Variants in NRG3 observed in about 807,000 individuals in gnomAD.
NRG3 encodes the protein pro-neuregulin-3, membrane-bound isoform.
Under a neutral mutation model 66.9 loss-of-function variants are expected in NRG3, and 31 were observed. The ratio of observed to expected loss-of-function variants is 0.46; its 90% confidence interval spans 0.35 to 0.63. The LOEUF is 0.63. Among genes scored for constraint, NRG3 ranks in the 20% least tolerant of loss-of-function variants. The pLI is 0.00. For synonymous variants in NRG3, 393 were observed against 359.4 expected, an observed-to-expected ratio of 1.09 and a Z score of -1.06; for missense variants, 910 against 878.9, an observed-to-expected ratio of 1.04 and a Z score of -0.45.
At chr10:82,862,057 G>A (rs1411027588) in intron 3 of NRG3, among the ~76,000 whole-genome samples, 3 of 152,148 alleles carry the variant, frequency 2.0e-5, no homozygotes, top group Non-Finnish European at 2.9e-5. Flanking sequence ...GATAAGTAAG[G>A]TTAGGACCCA....
chr10:82,335,345 G>A (rs140755172), intron 1 of NRG3, among the ~76,000 whole-genome samples: 28 of 152,280 alleles, frequency 1.8e-4, no homozygotes, highest in African/African-American at 6.5e-4. Context: ...ATCTAGGTAA[G>A]CAACTATATT....
chr10:82,632,439 T>C (rs1489948253), intron 2 of NRG3, among the ~76,000 whole-genome samples: 1 of 152,176 alleles, frequency 6.6e-6, no homozygotes, highest in East Asian at 1.9e-4. Context: ...TTTCTAGCCC[T>C]TTTTTTAATT....
chr10:82,929,050 A>G (rs1056335643), intron 4 of NRG3, among the ~76,000 whole-genome samples: 9 of 152,204 alleles, frequency 5.9e-5, no homozygotes, highest in African/African-American at 2.2e-4. Context: ...CAACAAATGC[A>G]TGCATTTGGG....
intron 4 of NRG3, among the ~76,000 whole-genome samples, chr10:82,876,704 G>A (rs1841848417): frequency 6.6e-6 from 1 of 152,134 alleles, no homozygotes; most frequent in Admixed American, 6.5e-5. Flanking sequence ...GAGCAACAGT[G>A]ATGTTCAGAT....
At chr10:82,674,470 C>A (rs1466992214) in intron 2 of NRG3, among the ~76,000 whole-genome samples, 1 of 151,970 alleles carries the variant, frequency 6.6e-6, no homozygotes, top group Non-Finnish European at 1.5e-5. Flanking sequence ...TTAGCTTTCC[C>A]GAGAGTCATA....
At position 82,702,859 on chromosome 10, in the gene NRG3, G is replaced by T. The variant is rs554922802; in HGVS notation, c.954-35718G>T. On this transcript the variant is annotated intron_variant, in intron 2 of 8. Transcript: ENST00000372141. ...AGATGTACATAAATGTGATAAACAT[G>T]CTTTGAAAGTGCTGTAGTCAAATTC... 2.6e-5 allele frequency among the ~76,000 whole-genome samples: 4 copies of T among 152,188 alleles called. No individual in the cohort carries two copies. The East Asian group carries it at 7.7e-4, about 29-fold the overall frequency.
At chr10:82,619,469 A>G (rs2133593625) in intron 2 of NRG3, among the ~76,000 whole-genome samples, 1 of 152,314 alleles carries the variant, frequency 6.6e-6, no homozygotes, top group East Asian at 1.9e-4. Context: ...CCTCATGCAA[A>G]CCTTTAAAAA....
intron 2 of NRG3, among the ~76,000 whole-genome samples, chr10:82,397,337 G>A (rs2086778874): frequency 6.6e-6 from 1 of 152,130 alleles, no homozygotes; most frequent in Non-Finnish European, 1.5e-5. Context: ...AAATTATGTG[G>A]ATAATCTTGA....
intron 4 of NRG3, among the ~76,000 whole-genome samples, chr10:82,866,778 G>T (rs1840784902): frequency 6.6e-6 from 1 of 152,160 alleles, no homozygotes; most frequent in Non-Finnish European, 1.5e-5. Flanking sequence ...TGGCAGATTG[G>T]TTGATTTTGA....
At chr10:82,404,896 A>G (rs1010266808) in intron 2 of NRG3, among the ~76,000 whole-genome samples, 2 of 152,082 alleles carry the variant, frequency 1.3e-5, no homozygotes, top group Non-Finnish European at 2.9e-5. Context: ...GTCAGCATGG[A>G]GCACAGGTTC....
intron 1 of NRG3, among the ~76,000 whole-genome samples, chr10:82,308,531 A>G (rs763561556): frequency 2.0e-5 from 3 of 152,038 alleles, no homozygotes; most frequent in Non-Finnish European, 4.4e-5. Flanking sequence ...ATTGTCACCT[A>G]ATGTCCCTGA....
intron 1 of NRG3, among the ~76,000 whole-genome samples, chr10:82,099,331 T>G (rs977569158): frequency 6.6e-6 from 1 of 152,192 alleles, no homozygotes; most frequent in Non-Finnish European, 1.5e-5. Context: ...CAAAATTTCT[T>G]GAATTGCCTG....
intron 2 of NRG3, among the ~76,000 whole-genome samples, chr10:82,697,369 A>T (rs568689040): frequency 3.9e-5 from 6 of 152,280 alleles, no homozygotes; most frequent in Non-Finnish European, 5.9e-5. Flanking sequence ...TGTAAAAAAA[A>T]ATTACAGAGA....
chr10:82,540,486 G>C (rs1456461720), intron 2 of NRG3, among the ~76,000 whole-genome samples: 1 of 151,994 alleles, frequency 6.6e-6, no homozygotes, highest in Non-Finnish European at 1.5e-5. Flanking sequence ...GTGTAAAGAT[G>C]TGAGTGGGGA....
chr10:82,843,577 A>T (rs763707330), intron 3 of NRG3, among the ~76,000 whole-genome samples: 1 of 152,236 alleles, frequency 6.6e-6, no homozygotes, highest in Non-Finnish European at 1.5e-5. Flanking sequence ...TGAAGGAATA[A>T]GCTTAAGCAT....
chr10:82,156,182 T>C (rs990309790), intron 1 of NRG3, among the ~76,000 whole-genome samples: 1 of 151,586 alleles, frequency 6.6e-6, no homozygotes, highest in African/African-American at 2.4e-5. Context: ...CTTTCTGATT[T>C]CTCAGAAAGC....
At chr10:82,929,738 G>A (rs573525720) in intron 4 of NRG3, among the ~76,000 whole-genome samples, 2 of 151,928 alleles carry the variant, frequency 1.3e-5, no homozygotes, top group South Asian at 4.1e-4. Context: ...AATTAGCCAG[G>A]CATGGTGGTT....
chr10:82,665,406 T>A (rs1465229954), intron 2 of NRG3, among the ~76,000 whole-genome samples: 1 of 152,216 alleles, frequency 6.6e-6, no homozygotes, highest in African/African-American at 2.4e-5. Flanking sequence ...GTTCTACCCA[T>A]GACCTTGACG....
intron 7 of NRG3, among the ~76,000 whole-genome samples, chr10:82,975,362 G>GAT (rs988703891): frequency 2.6e-5 from 4 of 152,048 alleles, no homozygotes; most frequent in African/African-American, 9.7e-5. Context: ...TTTTAAAATT[G>GAT]ATATATATGT....
Sources: allele counts gnomAD v4.1 joint callset (sites outside exome capture counted in the v4.1 genomes callset), GRCh38; gene constraint gnomAD v4.1.1; transcripts MANE v1.5; gene names NCBI Gene and HGNC (gene_info 2026-07-23, HGNC 2026-07-21).